Variants in P2RY8 observed in about 807,000 individuals in gnomAD.
P2RY8 encodes the protein P2Y receptor family member 8.
Under a neutral mutation model 10.0 loss-of-function variants are expected in P2RY8, and 6 were observed. That is an observed-to-expected ratio of 0.60 (90% CI 0.33 to 1.19). The LOEUF (loss-of-function observed/expected upper bound fraction) is 1.19. P2RY8 is among the 50% of genes most tolerant of loss of function. The pLI is 0.04. For synonymous variants in P2RY8, 276 were observed against 252.5 expected, an observed-to-expected ratio of 1.09 and a Z score of -0.88; for missense variants, 456 against 542.0, an observed-to-expected ratio of 0.84 and a Z score of 1.58.
intron 1 of P2RY8, among the ~76,000 whole-genome samples, chrX:1,535,832 CTTG>C (rs1467629200): frequency 6.6e-6 from 1 of 151,934 alleles, no homozygotes; most frequent in Non-Finnish European, 1.5e-5. Flanking sequence ...CACAGCAGGC[CTTG>C]TTGTGTGTGG....
intron 1 of P2RY8, among the ~76,000 whole-genome samples, chrX:1,533,812 TATTA>T (rs1190151951): frequency 8.2e-6 from 1 of 121,956 alleles, no homozygotes; most frequent in African/African-American, 3.3e-5. Context: ...ATATATTATT[TATTA>T]TTTATATATT....
rs1470516552 is a variant in P2RY8, at chrX:1,524,493, A to C, written c.-25+12428T>G. 8.2e-3 allele frequency among the ~76,000 whole-genome samples: 430 copies of C among 52,628 alleles called. 14 individuals carry two copies. Among genetic ancestry groups the C allele is most frequent in the Middle Eastern group, 0.015 (1 of 66 alleles). The allele number at this position is 52,628 out of a possible 152,430, so 34.5% of individuals were successfully genotyped here. ...TCCATTCATCCACTCATCCATCCAT[A>C]CATCCACGCATCCATCCATCCATCC... On this transcript the variant is annotated intron_variant, in intron 1 of 1. Coordinates refer to ENST00000381297, the MANE Select transcript of P2RY8 (RefSeq NM_178129.5).
intron 1 of P2RY8, among the ~76,000 whole-genome samples, chrX:1,509,002 TCATCCATC>T (rs776849927): frequency 5.0e-3 from 568 of 114,728 alleles, no homozygotes; most frequent in Non-Finnish European, 6.5e-3. Context: ...CTGTATGTGT[TCATCCATC>T]CATCCATCCA....
In P2RY8 at chrX:1,464,132, C is replaced by T. The variant is rs1377042072; in HGVS notation, c.*1347G>A. The T allele has an allele frequency of 9.9e-5, 23 of 233,234 alleles. No individual in the cohort carries two copies. The highest frequency in any genetic ancestry group is 1.6e-4 in the Non-Finnish European group (19 of 118,096). 14.4% of individuals were successfully genotyped at this position (233,234 alleles called of 1,614,324 possible). On this transcript the variant is annotated 3_prime_UTR_variant, in exon 2 of 2. Transcript: ENST00000381297. ...GCCGGGCATCCAAGGCCACCCACTG[C>T]GGAGACGCAGAGCCCGTGGGCAGAC...
Position 1,536,801 on chromosome X carries a change from C to T in P2RY8, c.-25+120G>A, listed in dbSNP as rs138615449. On this transcript the variant is annotated intron_variant, in intron 1 of 1. Transcript: ENST00000381297. Reference sequence around the variant, plus strand: ...GGTCTGCTCTAGCGTGAGGAGAACACGCCTCATGGAGTTTGCACCGTCTTC... The same window carrying T: ...GGTCTGCTCTAGCGTGAGGAGAACATGCCTCATGGAGTTTGCACCGTCTTC... The T allele has an allele frequency of 9.7e-3, 1,903 of 195,266 alleles. 36 individuals are homozygous for T. Among genetic ancestry groups the T allele is most frequent in the African/African-American group, 0.042 (1,820 of 43,240 alleles). The allele number at this position is 195,266 out of a possible 1,614,324, so 12.1% of individuals were successfully genotyped here. A position where few individuals can be genotyped will look rare whatever the true frequency, so the allele number is the denominator to read the frequency against.
intron 1 of P2RY8, among the ~76,000 whole-genome samples, chrX:1,513,185 C>A (rs1307704470): frequency 6.6e-6 from 1 of 151,642 alleles, no homozygotes; most frequent in African/African-American, 2.4e-5. Context: ...CACGTCCCTG[C>A]AAAGGATATG....
chrX:1,531,069 T>TCTAC (rs1443130948), intron 1 of P2RY8, among the ~76,000 whole-genome samples: 11 of 54,440 alleles, frequency 2.0e-4, no homozygotes, highest in Admixed American at 2.0e-3. Flanking sequence ...TGTCTGTCTG[T>TCTAC]CTATCTATCT....
At chrX:1,524,775 A>G (rs2092426820) in intron 1 of P2RY8, among the ~76,000 whole-genome samples, 1 of 102,662 alleles carries the variant, frequency 9.7e-6, no homozygotes, top group Non-Finnish European at 2.3e-5. Flanking sequence ...CCATCCATCC[A>G]TCCATCCACT....
At chrX:1,484,742 AAAAAAAGAAGAAG>A (rs1421536973) in intron 1 of P2RY8, among the ~76,000 whole-genome samples, 1,794 of 139,648 alleles carry the variant, frequency 0.013, 50 homozygotes, top group Non-Finnish European at 0.024. Context: ...AAAAAAAAAA[AAAAAAAGAAGAAG>A]AAGAAGAAGA....
chrX:1,520,353 T>C (rs2092381885), intron 1 of P2RY8, among the ~76,000 whole-genome samples: 1 of 151,438 alleles, frequency 6.6e-6, no homozygotes, highest in Admixed American at 6.6e-5. Context: ...CCCAATAATG[T>C]CCCTGGTTTC....
intron 1 of P2RY8, among the ~76,000 whole-genome samples, chrX:1,525,162 G>A (rs1454589667): frequency 2.0e-5 from 3 of 152,224 alleles, no homozygotes; most frequent in African/African-American, 7.2e-5. Flanking sequence ...ATTAGGCCAA[G>A]GAGCTCAGTG....
At chrX:1,518,077 C>T (rs1347927672) in intron 1 of P2RY8, among the ~76,000 whole-genome samples, 1 of 147,594 alleles carries the variant, frequency 6.8e-6, no homozygotes, top group Non-Finnish European at 1.5e-5. Context: ...TCACTGCACT[C>T]CAGCCTGGGC....
At chrX:1,498,415 A>C (rs2092140688) in intron 1 of P2RY8, among the ~76,000 whole-genome samples, 1 of 151,040 alleles carries the variant, frequency 6.6e-6, no homozygotes, top group African/African-American at 2.4e-5. Context: ...CAAAAAAAAA[A>C]AAAAAAAAGA....
chrX:1,500,441 C>T, intron 1 of P2RY8, among the ~76,000 whole-genome samples: 1 of 151,176 alleles, frequency 6.6e-6, no homozygotes, highest in East Asian at 2.0e-4. Flanking sequence ...CCATGCCCAG[C>T]TAATTTTTTT....
intron 1 of P2RY8, among the ~76,000 whole-genome samples, chrX:1,522,339 T>A (rs1454606712): frequency 5.9e-5 from 9 of 152,158 alleles, no homozygotes; most frequent in African/African-American, 1.9e-4. Context: ...GGGGATTTAT[T>A]GCATTCATGC....
At chrX:1,514,576 CTTCCTTTTCCT>C (rs2092325614) in intron 1 of P2RY8, among the ~76,000 whole-genome samples, 1 of 67,420 alleles carries the variant, frequency 1.5e-5, no homozygotes, top group Non-Finnish European at 2.9e-5. Context: ...CCTCCCTTCC[CTTCCTTTTCCT>C]TTCCCTTCCC....
intron 1 of P2RY8, among the ~76,000 whole-genome samples, chrX:1,525,987 T>C (rs2092437308): frequency 6.6e-6 from 1 of 152,020 alleles, no homozygotes; most frequent in South Asian, 2.1e-4. Flanking sequence ...ATTCATTTAT[T>C]CATGCATCCA....
intron 1 of P2RY8, among the ~76,000 whole-genome samples, chrX:1,521,034 C>CTTTT (rs1163534557): frequency 0.051 from 3,089 of 60,666 alleles, 167 homozygotes; most frequent in African/African-American, 0.12. Context: ...TTTTTCTTTT[C>CTTTT]TTTTTTTTTT....
At chrX:1,505,987 CTTTTTTTTTTTT>C (rs542485545) in intron 1 of P2RY8, among the ~76,000 whole-genome samples, 5 of 108,840 alleles carry the variant, frequency 4.6e-5, no homozygotes, top group African/African-American at 1.4e-4. Context: ...TTTCTTTCTT[CTTTTTTTTTTTT>C]TTTTTTTTTT....
Sources: allele counts gnomAD v4.1 joint callset (sites outside exome capture counted in the v4.1 genomes callset), GRCh38; gene constraint gnomAD v4.1.1; transcripts MANE v1.5; gene names NCBI Gene and HGNC (gene_info 2026-07-23, HGNC 2026-07-21).